The following LEMD3 variants were observed in gnomAD, a reference collection of about 807,000 sequenced individuals.
LEMD3 encodes the protein LEM domain containing 3.
In LEMD3, 33 loss-of-function variants were observed where a neutral mutation model predicts 95.2. The ratio of observed to expected loss-of-function variants is 0.35; its 90% CI spans 0.26 to 0.46. The LOEUF (loss-of-function observed/expected upper bound fraction) is 0.46, where lower values mean the gene tolerates loss of function less well. LEMD3 is among the 20% of genes least tolerant of loss of function. The pLI, the probability that LEMD3 is intolerant of heterozygous loss-of-function variation, is 1.00. For synonymous variants in LEMD3, 525 were observed against 474.6 expected, an observed-to-expected ratio of 1.11 and a Z score of -1.38; for missense variants, 1,210 against 1,192.8, an observed-to-expected ratio of 1.01 and a Z score of -0.21.
intron 2 of LEMD3, among the ~76,000 whole-genome samples, chr12:65,212,097 A>T (rs1869956288): frequency 6.6e-6 from 1 of 152,058 alleles, no homozygotes; most frequent in African/African-American, 2.4e-5. Flanking sequence ...GGTGAAAGTC[A>T]TGTCTTACCT....
In LEMD3 at chr12:65,230,448, G is replaced by GT. The variant is rs555292147; in HGVS notation, c.1696-8045dup. On this transcript the variant is annotated intron_variant, in intron 4 of 12. Transcript: ENST00000308330. ...GGATGTCTTTTTATGGTGTTTTATG[G>GT]TTTTTTTTTAGATATCTTTTACCTT... Among the ~76,000 whole-genome samples the GT allele has an allele frequency of 2.4e-3, 360 of 150,456 alleles. 2 individuals carry two copies. Among genetic ancestry groups the GT allele is most frequent in the African/African-American group, 7.7e-3 (317 of 41,044 alleles).
chr12:65,222,962 T>C lies in LEMD3; in HGVS notation c.1695+4343T>C, dbSNP rs189873153. On this transcript the variant is annotated intron_variant, in intron 4 of 12. Coordinates refer to ENST00000308330, the MANE Select transcript of LEMD3 (RefSeq NM_014319.5). ...TGTGAATTTCTCAGTTTTTCTCTGC[T>C]TTTGATTTTTAGTTTCATTTCATTG... 1.8e-3 allele frequency among the ~76,000 whole-genome samples: 280 copies of C among 152,320 alleles called. 1 individual carries two copies. Among genetic ancestry groups the C allele is most frequent in the African/African-American group, 6.6e-3 (273 of 41,578 alleles).
chr12:65,184,014 A>G (rs1389137799), intron 1 of LEMD3, among the ~76,000 whole-genome samples: 1 of 152,148 alleles, frequency 6.6e-6, no homozygotes, highest in East Asian at 1.9e-4. Context: ...GTGAAAACTA[A>G]TGTCTAGTAA....
At chr12:65,182,560 T>C (rs529249854) in intron 1 of LEMD3, among the ~76,000 whole-genome samples, 1 of 152,166 alleles carries the variant, frequency 6.6e-6, no homozygotes, top group Non-Finnish European at 1.5e-5. Flanking sequence ...AAGGGAGTTA[T>C]CTTTTCACGT....
At chr12:65,245,038 C>T (rs1871055952) in intron 10 of LEMD3, among the ~76,000 whole-genome samples, 1 of 152,090 alleles carries the variant, frequency 6.6e-6, no homozygotes, top group South Asian at 2.1e-4. Context: ...ACAGAAATTA[C>T]TGTAAGTACA....
rs1476286613 is a variant in LEMD3 at position 65,178,830 on chromosome 12, G to A, written c.1522+7712G>A. 7.9e-5 allele frequency among the ~76,000 whole-genome samples: 12 copies of A among 152,182 alleles called. 1 individual carries two copies. Among genetic ancestry groups the A allele is most frequent in the Admixed American group, 4.6e-4 (7 of 15,268 alleles). On this transcript the variant is annotated intron_variant, in intron 1 of 12. Transcript: ENST00000308330. Reference sequence around the variant, plus strand: ...TTGCCTTTTAATATGTATAAATAAGGACTTGATATATGTTCTCTACTATTA... The same window carrying A: ...TTGCCTTTTAATATGTATAAATAAGAACTTGATATATGTTCTCTACTATTA...
chr12:65,237,044 A>T (rs1870794086), intron 4 of LEMD3, among the ~76,000 whole-genome samples: 1 of 152,186 alleles, frequency 6.6e-6, no homozygotes, highest in African/African-American at 2.4e-5. Flanking sequence ...TTTTGTTTCT[A>T]TTAGAAAGAT....
chr12:65,178,477 T>C (rs1868798296), intron 1 of LEMD3, among the ~76,000 whole-genome samples: 1 of 152,200 alleles, frequency 6.6e-6, no homozygotes, highest in Admixed American at 6.5e-5. Flanking sequence ...TTCCACTTAC[T>C]AGCTTTTTTT....
chr12:65,197,546 T>C (rs1047344171), intron 1 of LEMD3, among the ~76,000 whole-genome samples: 4 of 152,158 alleles, frequency 2.6e-5, no homozygotes, highest in African/African-American at 9.7e-5. Context: ...ACTACTTAAA[T>C]TGTTATTTTA....
At chr12:65,225,845 G>A (rs11175688) in intron 4 of LEMD3, among the ~76,000 whole-genome samples, 4,612 of 152,258 alleles carry the variant, frequency 0.03, 232 homozygotes, top group African/African-American at 0.11. Context: ...CTCCCAAAGT[G>A]CAGCGATTAC....
chr12:65,232,804 T>A (rs1055300034), intron 4 of LEMD3, among the ~76,000 whole-genome samples: 2 of 152,170 alleles, frequency 1.3e-5, no homozygotes, highest in Non-Finnish European at 2.9e-5. Context: ...TGGAATAATG[T>A]AATGAATGGG....
intron 1 of LEMD3, among the ~76,000 whole-genome samples, chr12:65,196,638 A>G (rs575170562): frequency 5.3e-5 from 8 of 152,068 alleles, no homozygotes; most frequent in South Asian, 2.1e-4. Flanking sequence ...GCTAGACCCA[A>G]TATAGTCTCT....
Position 65,169,724 on chromosome 12 carries a change from T to G in LEMD3, c.128T>G (p.Leu43Arg), listed in dbSNP as rs1592423898. Reference sequence around the variant, plus strand: ...ACCCGCCCGGTCTACCTCAAGAAGCTGAAGAAGCTTCGAGAGGAAGAGCAG... The same window carrying G: ...ACCCGCCCGGTCTACCTCAAGAAGCGGAAGAAGCTTCGAGAGGAAGAGCAG... ...ESTRPVYLKK[L>R]KKLREEEQQQ... The change falls in exon 1 of 13, where the codon CTG (leucine) becomes CGG (arginine). Residue 43 changes from leucine (L) to arginine (R), a missense_variant. Around this residue, in one of 2 missense-constraint regions of LEMD3, gnomAD observed 749 missense variants for 622.9 expected, o/e 1.20. Coordinates refer to ENST00000308330, the MANE Select transcript of LEMD3 (RefSeq NM_014319.5). 6.3e-7 allele frequency: 1 copy of G among 1,589,392 alleles called. No individual in the cohort carries two copies. Among genetic ancestry groups the G allele is most frequent in the East Asian group, 2.3e-5 (1 of 43,938 alleles).
At chr12:65,212,848 G>C (rs1240510078) in intron 2 of LEMD3, among the ~76,000 whole-genome samples, 1 of 152,166 alleles carries the variant, frequency 6.6e-6, no homozygotes, top group African/African-American at 2.4e-5. Context: ...TGAAATATTA[G>C]GAGACAATCT....
At chr12:65,238,349 CT>C (rs1592462017) in intron 4 of LEMD3, among the ~76,000 whole-genome samples, 152 bp from the exon 5 acceptor site, 1 of 151,052 alleles carries the variant, frequency 6.6e-6, no homozygotes, top group African/African-American at 2.4e-5. Flanking sequence ...CTTTTTTTTT[CT>C]TTTTTCTCAT....
chr12:65,208,484 C>T (rs1342886483), intron 1 of LEMD3, among the ~76,000 whole-genome samples: 1 of 151,940 alleles, frequency 6.6e-6, no homozygotes, highest in Non-Finnish European at 1.5e-5. Context: ...CTTCGGTTAC[C>T]TAATTGGGAG....
rs142265837 is a variant in LEMD3 at position 65,171,094 on chromosome 12, G to T, written c.1498G>T (p.Val500Leu). Residue 500 changes from valine to leucine, a missense_variant, in exon 1 of 13, where the codon GTA becomes TTA. By Grantham distance (32) the Val-to-Leu change is conservative. This residue lies in a region of LEMD3 where 461 missense variants were observed against 569.8 expected (regional missense o/e 0.81). Coordinates refer to ENST00000308330, the MANE Select transcript of LEMD3 (RefSeq NM_014319.5). ...LTYLGMRGTG[V>L]SEDGELSIEN... ...TTACCTAGGAATGAGAGGGACAGGAGTATCTGAGGATGGAGAACTCAGCAG... is the reference window on the plus strand; with the variant it reads ...TTACCTAGGAATGAGAGGGACAGGATTATCTGAGGATGGAGAACTCAGCAG... 3.7e-6 allele frequency: 6 copies of T among 1,613,074 alleles called. No individual in the cohort carries two copies. Among genetic ancestry groups the T allele is most frequent in the Middle Eastern group, 1.6e-4 (1 of 6,062 alleles).
At chr12:65,232,752 T>C (rs561837154) in intron 4 of LEMD3, among the ~76,000 whole-genome samples, 3 of 152,272 alleles carry the variant, frequency 2.0e-5, no homozygotes, top group Admixed American at 2.0e-4. Context: ...AATACATGAT[T>C]GGTTTTTAAG....
At chr12:65,185,283 A>C (rs1869026744) in intron 1 of LEMD3, among the ~76,000 whole-genome samples, 1 of 152,196 alleles carries the variant, frequency 6.6e-6, no homozygotes, top group African/African-American at 2.4e-5. Flanking sequence ...ATCAGAGTTT[A>C]GCCCTGCCTC....
Sources: allele counts gnomAD v4.1 joint callset (sites outside exome capture counted in the v4.1 genomes callset), GRCh38; gene constraint gnomAD v4.1.1; regional missense constraint gnomAD v4.1.1; transcripts MANE v1.5; gene names NCBI Gene and HGNC (gene_info 2026-07-23, HGNC 2026-07-21).